Variants in MYO3B observed in about 807,000 individuals in gnomAD.
The protein encoded by MYO3B is myosin-IIIb.
Under a neutral mutation model 174.6 loss-of-function variants are expected in MYO3B, and 156 were observed. That is an observed-to-expected ratio of 0.89 (90% CI 0.78 to 1.02). The LOEUF (loss-of-function observed/expected upper bound fraction) is 1.02. MYO3B is among the 50% of genes least tolerant of loss of function. The pLI is 0.00. For missense variants in MYO3B, 1,632 were observed against 1,639.4 expected (o/e 1.00, Z 0.08); for synonymous variants, 563 against 569.1 (o/e 0.99, Z 0.15).
chr2:170,178,266 G>A lies in MYO3B; in HGVS notation c.-22G>A, dbSNP rs576543800. ...ATGAGAATCCAATCTCTCATAAGCC[G>A]GATTCAGAAAATAGGTCATCGATGT... On this transcript the variant is annotated 5_prime_UTR_variant, in exon 1 of 35. Coordinates refer to ENST00000408978, the MANE Select transcript of MYO3B (RefSeq NM_138995.5). 93 of 1,613,938 alleles carry A rather than the reference G, an allele frequency of 5.8e-5. 1 individual carries two copies. Among genetic ancestry groups the A allele is most frequent in the Middle Eastern group, 4.9e-4 (3 of 6,084 alleles).
intron 3 of MYO3B, among the ~76,000 whole-genome samples, chr2:170,204,345 G>A (rs558612046): frequency 7.9e-5 from 12 of 152,256 alleles, no homozygotes; most frequent in Non-Finnish European, 1.6e-4. Context: ...GAACAAAGGG[G>A]CACCAAAAAG....
chr2:170,475,091 CTCAGTCTAT>C (rs1208329466), intron 25 of MYO3B, among the ~76,000 whole-genome samples: 1 of 152,098 alleles, frequency 6.6e-6, no homozygotes, highest in Non-Finnish European at 1.5e-5. Context: ...TTAGAGAAAA[CTCAGTCTAT>C]TCTGGCCCAG....
At chr2:170,260,622 G>A (rs2093338537) in intron 7 of MYO3B, among the ~76,000 whole-genome samples, 1 of 152,126 alleles carries the variant, frequency 6.6e-6, no homozygotes, top group Non-Finnish European at 1.5e-5. Flanking sequence ...TGGGTGATGG[G>A]ACCAATTGTA....
chr2:170,499,955 C>T (rs866664962), intron 27 of MYO3B, 147 bp downstream of exon 27: 4 of 613,506 alleles, frequency 6.5e-6, no homozygotes, highest in East Asian at 3.0e-5. Flanking sequence ...TCCTTCTTTC[C>T]TTCCTTCCTT....
chr2:170,240,042 C>G (rs1389915760), intron 7 of MYO3B, among the ~76,000 whole-genome samples: 2 of 152,158 alleles, frequency 1.3e-5, no homozygotes, highest in Non-Finnish European at 2.9e-5. Context: ...GCCGCCTTTC[C>G]CACGTCTTTG....
chr2:170,517,163 G>A (rs9967893), intron 29 of MYO3B, among the ~76,000 whole-genome samples: 5,330 of 152,268 alleles, frequency 0.035, 241 homozygotes, highest in African/African-American at 0.098. Context: ...CAAAGCTGGG[G>A]GATGGAGGAG....
At chr2:170,401,850 C>G (rs1358190563) in intron 18 of MYO3B, among the ~76,000 whole-genome samples, 159 bp downstream of exon 18, 1 of 149,966 alleles carries the variant, frequency 6.7e-6, no homozygotes, top group Non-Finnish European at 1.5e-5. Flanking sequence ...TTGCCCAGGC[C>G]GGAGTGCAGT....
intron 3 of MYO3B, among the ~76,000 whole-genome samples, chr2:170,209,560 A>AGCACCTGTCAGAGTCCTGTG (rs1475383921): frequency 6.6e-6 from 1 of 152,156 alleles, no homozygotes; most frequent in African/African-American, 2.4e-5. Flanking sequence ...TGTATTTGAG[A>AGCACCTGTCAGAGTCCTGTG]GCACCTGTCA....
At position 170,499,786 on chromosome 2, in the gene MYO3B, G is replaced by A. The variant is rs1333678976; in HGVS notation, c.3267G>A (p.Lys1089=). The A allele has an allele frequency of 6.2e-7, 1 of 1,613,722 alleles. No homozygotes were observed. The highest frequency in any genetic ancestry group is 2.2e-5 in the East Asian group (1 of 44,876). ...AAAGGGTCAGAGAGAAGAGAGAGAAGGGAGCCATTGCCATCCAGTCAGGTA... is the reference window on the plus strand; with the variant it reads ...AAAGGGTCAGAGAGAAGAGAGAGAAAGGAGCCATTGCCATCCAGTCAGGTA... ...RYKRVREKRE[K]GAIAIQSAWR... The change falls in exon 27 of 35, where the codon AAG becomes AAA. Residue 1089 remains lysine, a synonymous_variant. Transcript: ENST00000408978.
intron 29 of MYO3B, among the ~76,000 whole-genome samples, chr2:170,517,943 T>C (rs17271273): frequency 0.12 from 17,700 of 152,008 alleles, 1,223 homozygotes; most frequent in Admixed American, 0.2. Flanking sequence ...TTATTTCTAT[T>C]TTTTCCTTCT....
intron 7 of MYO3B, among the ~76,000 whole-genome samples, chr2:170,295,137 A>T (rs915655637): frequency 6.6e-6 from 1 of 151,064 alleles, no homozygotes; most frequent in Middle Eastern, 3.4e-3. Flanking sequence ...ATCTTATTAA[A>T]TCTCCCTCCT....
chr2:170,338,818 G>A (rs2093960945), intron 8 of MYO3B, among the ~76,000 whole-genome samples: 1 of 152,084 alleles, frequency 6.6e-6, no homozygotes, highest in Non-Finnish European at 1.5e-5. Context: ...GGCCAGGTTA[G>A]TCTCGAACTC....
At chr2:170,545,657 G>C (rs1690432900) in intron 32 of MYO3B, among the ~76,000 whole-genome samples, 1 of 152,138 alleles carries the variant, frequency 6.6e-6, no homozygotes, top group Admixed American at 6.6e-5. Flanking sequence ...ATCTTAAAAA[G>C]TCAAATTTAT....
intron 7 of MYO3B, among the ~76,000 whole-genome samples, chr2:170,312,979 A>G (rs1323012500): frequency 6.6e-6 from 1 of 152,112 alleles, no homozygotes; most frequent in African/African-American, 2.4e-5. Context: ...ATGGTGTTTT[A>G]TTTTCTTAAC....
At chr2:170,637,715 T>G (rs1697636534) in intron 32 of MYO3B, among the ~76,000 whole-genome samples, 1 of 152,218 alleles carries the variant, frequency 6.6e-6, no homozygotes, top group African/African-American at 2.4e-5. Flanking sequence ...GAAATTTAAA[T>G]TCTTGATTAG....
intron 9 of MYO3B, among the ~76,000 whole-genome samples, chr2:170,376,830 T>C (rs969306688): frequency 6.6e-6 from 1 of 152,222 alleles, no homozygotes; most frequent in Non-Finnish European, 1.5e-5. Context: ...AGAGATTAAC[T>C]TCTTAGGAGT....
In MYO3B at chr2:170,291,643, T is replaced by C. The variant is rs551903689; in HGVS notation, c.750-43742T>C. On this transcript the variant is annotated intron_variant, in intron 7 of 34. Coordinates refer to ENST00000408978, the MANE Select transcript of MYO3B (RefSeq NM_138995.5). ...TGAATTCTCTCAGCTTTTATTTGCC[T>C]GGGAAAGATTTTATCTCTATTTCAT... is the stretch of plus-strand genomic sequence containing the variant. Among the ~76,000 whole-genome samples, 9 of 152,228 alleles carry C rather than the reference T, an allele frequency of 5.9e-5. No individual in the cohort carries two copies. In the South Asian group the frequency reaches 1.7e-3, roughly 28 times the overall value.
At position 170,574,590 on chromosome 2, in the gene MYO3B, C is replaced by T. The variant is rs79428546; in HGVS notation, c.3733+30602C>T. 2.8e-3 allele frequency among the ~76,000 whole-genome samples: 420 copies of T among 152,124 alleles called. 8 individuals are homozygous for T. The East Asian group carries it at 0.055, about 20-fold the overall frequency. On this transcript the variant is annotated intron_variant, in intron 32 of 34. Coordinates refer to ENST00000408978, the MANE Select transcript of MYO3B (RefSeq NM_138995.5). ...CATGGATCTAATTTTAAGAATGTAA[C>T]GCAAGGATGAAATACTCTTTGTAAA...
At chr2:170,652,078 TTGAC>T (rs1201171394) in intron 33 of MYO3B, 26 bp from the exon 34 acceptor site, 1 of 1,602,622 alleles carries the variant, frequency 6.2e-7, no homozygotes, top group East Asian at 2.2e-5. Context: ...CTGCTTTGCT[TTGAC>T]TGTGTGTTCT....
Sources: gnomAD v4.1 joint callset for allele counts (sites outside exome capture counted in the v4.1 genomes callset) on GRCh38, gnomAD v4.1.1 for gene constraint, MANE v1.5 for transcripts, NCBI Gene and HGNC (gene_info 2026-07-23, HGNC 2026-07-21) for gene names.